The following UVRAG variants were observed in gnomAD, a reference collection of about 807,000 sequenced individuals.
The protein encoded by UVRAG is UV radiation resistance associated, also known as UV radiation resistance-associated gene protein.
Under a neutral mutation model 78.0 loss-of-function variants are expected in UVRAG, and 19 were observed. That is an observed-to-expected ratio of 0.24 (90% CI 0.17 to 0.36). The LOEUF is 0.36. Among genes scored for constraint, UVRAG ranks in the 10% least tolerant of loss-of-function variants. The pLI is 1.00. For missense variants in UVRAG, 740 were observed against 853.8 expected, an observed-to-expected ratio of 0.87 and a Z score of 1.66; for synonymous variants, 323 against 324.6, an observed-to-expected ratio of 1.00 and a Z score of 0.05.
chr11:76,013,794 A>G (rs1591133100), intron 11 of UVRAG, among the ~76,000 whole-genome samples: 1 of 152,118 alleles, frequency 6.6e-6, no homozygotes, highest in East Asian at 1.9e-4. Context: ...TTTCCTTTTG[A>G]GGGTATTGAA....
intron 2 of UVRAG, among the ~76,000 whole-genome samples, chr11:75,854,320 A>G (rs1946235975): frequency 6.6e-6 from 1 of 152,198 alleles, no homozygotes; most frequent in Non-Finnish European, 1.5e-5. Context: ...AGATAGAAGG[A>G]TTACTTGTGG....
chr11:75,919,515 T>C (rs1166637133), intron 6 of UVRAG, among the ~76,000 whole-genome samples: 1 of 152,222 alleles, frequency 6.6e-6, no homozygotes, highest in Non-Finnish European at 1.5e-5. Flanking sequence ...AGCTGAGTGA[T>C]AAATCATATT....
At chr11:76,021,023 C>T (rs570423933) in intron 12 of UVRAG, among the ~76,000 whole-genome samples, 1 of 152,196 alleles carries the variant, frequency 6.6e-6, no homozygotes, top group South Asian at 2.1e-4. Context: ...ATGCAAAGTA[C>T]CACAATCGCT....
chr11:76,087,115 T>C (rs1460955180), intron 13 of UVRAG, among the ~76,000 whole-genome samples: 1 of 152,226 alleles, frequency 6.6e-6, no homozygotes, highest in Non-Finnish European at 1.5e-5. Context: ...AATTTTCAAG[T>C]GTGAGAGATT....
At chr11:75,828,036 T>A (rs1945553911) in intron 1 of UVRAG, among the ~76,000 whole-genome samples, 1 of 152,176 alleles carries the variant, frequency 6.6e-6, no homozygotes, top group Non-Finnish European at 1.5e-5. Context: ...GGTTTTTTAT[T>A]CTGAAAATAG....
At chr11:76,139,558 C>T (rs890016573) in intron 14 of UVRAG, among the ~76,000 whole-genome samples, 4 of 152,170 alleles carry the variant, frequency 2.6e-5, no homozygotes, top group African/African-American at 9.7e-5. Flanking sequence ...CGTGTTTCCT[C>T]ATCTGAAGCA....
intron 5 of UVRAG, among the ~76,000 whole-genome samples, chr11:75,909,483 A>T (rs993088962): frequency 2.8e-5 from 4 of 143,812 alleles, no homozygotes; most frequent in Non-Finnish European, 6.1e-5. Flanking sequence ...GAACTTGTTT[A>T]AAAAAAAAAA....
At chr11:75,961,936 G>C (rs1014322353) in intron 7 of UVRAG, among the ~76,000 whole-genome samples, 4 of 152,150 alleles carry the variant, frequency 2.6e-5, no homozygotes, top group African/African-American at 9.7e-5. Flanking sequence ...AGCAAAACAG[G>C]CTGGTTTGTG....
chr11:76,087,514 C>T (rs1447502314), intron 13 of UVRAG, among the ~76,000 whole-genome samples: 1 of 152,102 alleles, frequency 6.6e-6, no homozygotes, highest in Admixed American at 6.5e-5. Context: ...TACTGTGTGT[C>T]AGACAAGGCA....
intron 14 of UVRAG, among the ~76,000 whole-genome samples, chr11:76,132,151 A>G (rs962950742): frequency 2.0e-5 from 3 of 152,206 alleles, no homozygotes; most frequent in East Asian, 1.9e-4. Flanking sequence ...CACAGTTGAC[A>G]TGATATTGGC....
intron 5 of UVRAG, among the ~76,000 whole-genome samples, chr11:75,891,715 G>C (rs566360356): frequency 6.6e-6 from 1 of 152,266 alleles, no homozygotes; most frequent in East Asian, 1.9e-4. Context: ...TTCGAGACCA[G>C]TCTGGGCAAC....
At chr11:75,916,881 T>TG (rs911827411) in intron 6 of UVRAG, 2 of 152,214 alleles carry the variant, frequency 1.3e-5, no homozygotes, top group African/African-American at 4.8e-5. Context: ...TTTCTTGATA[T>TG]GGGCTACTTA....
At chr11:75,978,701 C>T (rs1211230737) in intron 7 of UVRAG, among the ~76,000 whole-genome samples, 1 of 152,182 alleles carries the variant, frequency 6.6e-6, no homozygotes, top group Non-Finnish European at 1.5e-5. Flanking sequence ...GTTCTTATGT[C>T]ATGGTTTACA....
At chr11:75,989,190 G>C (rs1366325564) in intron 8 of UVRAG, among the ~76,000 whole-genome samples, 3 of 152,020 alleles carry the variant, frequency 2.0e-5, no homozygotes, top group Admixed American at 6.6e-5. Flanking sequence ...CAGTAGCTAG[G>C]ATTACAGGCG....
chr11:76,087,658 T>C (rs553723869), intron 13 of UVRAG, among the ~76,000 whole-genome samples: 32 of 152,322 alleles, frequency 2.1e-4, no homozygotes, highest in African/African-American at 7.7e-4. Flanking sequence ...ATCAAGATAC[T>C]TTATCAAAGT....
chr11:75,935,237 C>T (rs1183603408), intron 6 of UVRAG, among the ~76,000 whole-genome samples: 1 of 152,066 alleles, frequency 6.6e-6, no homozygotes, highest in East Asian at 1.9e-4. Flanking sequence ...ATTGTTCATA[C>T]AATTAAAAAA....
At chr11:75,862,460 G>T (rs756200671) in intron 3 of UVRAG, among the ~76,000 whole-genome samples, 3 of 152,158 alleles carry the variant, frequency 2.0e-5, no homozygotes, top group Non-Finnish European at 4.4e-5. Flanking sequence ...TCTTAGTAAT[G>T]GTCCAGTACC....
At chr11:75,822,169 C>A (rs1474008639) in intron 1 of UVRAG, among the ~76,000 whole-genome samples, 1 of 152,060 alleles carries the variant, frequency 6.6e-6, no homozygotes, top group Admixed American at 6.5e-5. Flanking sequence ...GTCTTGAACT[C>A]CTGACCTCAG....
intron 13 of UVRAG, among the ~76,000 whole-genome samples, chr11:76,095,227 A>G (rs1226194772): frequency 6.6e-6 from 1 of 152,074 alleles, no homozygotes; most frequent in African/African-American, 2.4e-5. Flanking sequence ...CTATTCCCCA[A>G]CTTTACTGCC....
Sources: allele counts gnomAD v4.1 joint callset (sites outside exome capture counted in the v4.1 genomes callset), GRCh38; gene constraint gnomAD v4.1.1; transcripts MANE v1.5; gene names NCBI Gene and HGNC (gene_info 2026-07-23, HGNC 2026-07-21).